CTNNA2: variants seen among roughly 807,000 people sequenced by gnomAD.
CTNNA2 encodes catenin alpha-2.
Under a neutral mutation model 101.0 loss-of-function variants are expected in CTNNA2, and 42 were observed. That is an observed-to-expected ratio of 0.42 (90% confidence interval 0.32 to 0.54). The LOEUF is 0.54. CTNNA2 is among the 20% of genes least tolerant of loss of function. CTNNA2 has a pLI of 0.14. For missense variants in CTNNA2, 871 were observed against 1,223.1 expected, an observed-to-expected ratio of 0.71 and a Z score of 4.29; for synonymous variants, 450 against 456.4, an observed-to-expected ratio of 0.99 and a Z score of 0.18.
intron 2 of CTNNA2, among the ~76,000 whole-genome samples, chr2:79,738,110 G>A (rs950458146): frequency 6.6e-6 from 1 of 152,190 alleles, no homozygotes; most frequent in Non-Finnish European, 1.5e-5. Flanking sequence ...TTTAGGTCAT[G>A]AGCAGTCTAT....
chr2:79,328,580 T>C (rs188424443), intron 3 of CTNNA2, among the ~76,000 whole-genome samples: 2 of 152,286 alleles, frequency 1.3e-5, no homozygotes, highest in East Asian at 3.9e-4. Flanking sequence ...TTAGCTTTTA[T>C]GATGTTGATC....
intron 18 of CTNNA2, among the ~76,000 whole-genome samples, chr2:80,629,812 T>C (rs1672086918): frequency 6.6e-6 from 1 of 152,200 alleles, no homozygotes; most frequent in Admixed American, 6.5e-5. Context: ...CTCCAAACTT[T>C]GCTGAACGTA....
intron 2 of CTNNA2, among the ~76,000 whole-genome samples, chr2:79,229,445 C>T (rs1314576432): frequency 6.6e-6 from 1 of 152,166 alleles, no homozygotes; most frequent in Admixed American, 6.6e-5. Context: ...TCCTCATTCT[C>T]TCTTGCTGCC....
In CTNNA2 at chr2:79,359,349, A is replaced by T. The variant is rs569106391; in HGVS notation, c.-317-14482A>T. The stretch of plus-strand genomic sequence containing the variant: ...GTCTCAGTTCTCTCTAGGTAGTTTC[A>T]TCTGTCTCATGAACCAATCCTGTTA... On this transcript the variant is annotated intron_variant, in intron 3 of 21. Transcript: ENST00000466387. Among the ~76,000 whole-genome samples, 3 of 152,294 alleles carry T rather than the reference A, an allele frequency of 2.0e-5. No individual in the cohort carries two copies. The East Asian group carries it at 5.8e-4, about 29-fold the overall frequency.
chr2:80,361,773 C>G (rs572046411), intron 7 of CTNNA2, among the ~76,000 whole-genome samples: 15 of 152,128 alleles, frequency 9.9e-5, no homozygotes, highest in Admixed American at 2.0e-4. Context: ...TCTCCTCCTT[C>G]CCCCCAAAAC....
intron 9 of CTNNA2, among the ~76,000 whole-genome samples, chr2:80,442,575 G>A (rs1682688712): frequency 6.6e-6 from 1 of 152,098 alleles, no homozygotes; most frequent in South Asian, 2.1e-4. Context: ...CCTTCCCAAT[G>A]CCATGGCTTG....
intron 2 of CTNNA2, among the ~76,000 whole-genome samples, chr2:79,274,999 G>A (rs915141977): frequency 1.3e-5 from 2 of 152,012 alleles, no homozygotes; most frequent in African/African-American, 2.4e-5. Context: ...TATGCTCTGG[G>A]AACCCACCCC....
intron 4 of CTNNA2, among the ~76,000 whole-genome samples, chr2:79,457,855 C>G (rs1029921720): frequency 1.1e-4 from 16 of 152,204 alleles, no homozygotes; most frequent in African/African-American, 3.9e-4. Context: ...CTTTTACTCT[C>G]AACTAGCATT....
chr2:79,391,540 T>C (rs745314764), intron 4 of CTNNA2, among the ~76,000 whole-genome samples: 5 of 152,156 alleles, frequency 3.3e-5, no homozygotes, highest in Non-Finnish European at 5.9e-5. Context: ...AAAAATTATA[T>C]GTGGACTTTC....
chr2:80,036,596 C>A (rs1423923673), intron 7 of CTNNA2, among the ~76,000 whole-genome samples: 2 of 151,916 alleles, frequency 1.3e-5, no homozygotes, highest in African/African-American at 2.4e-5. Flanking sequence ...CAGAGTGAGA[C>A]CCTGTCTTAG....
chr2:80,181,391 C>G lies in CTNNA2; in HGVS notation c.1057-211820C>G, dbSNP rs560346839. On this transcript the variant is annotated intron_variant, in intron 7 of 18. Transcript: ENST00000402739. ...AATTTAGGAGTTCGGTGCCCACAGC[C>G]TCATCAGGGTCCTCCCACACATCCC... Among the ~76,000 whole-genome samples, 213 of 152,282 alleles carry G rather than the reference C, an allele frequency of 1.4e-3. 8 individuals carry two copies. The South Asian group carries it at 0.043, about 31-fold the overall frequency.
intron 7 of CTNNA2, among the ~76,000 whole-genome samples, chr2:80,287,829 T>C (rs1223058212): frequency 6.6e-6 from 1 of 152,176 alleles, no homozygotes; most frequent in Non-Finnish European, 1.5e-5. Context: ...TGTCATCTCA[T>C]GATATGTGCT....
At chr2:79,438,923 CTA>C (rs1373481508) in intron 4 of CTNNA2, among the ~76,000 whole-genome samples, 5 of 152,126 alleles carry the variant, frequency 3.3e-5, no homozygotes, top group African/African-American at 1.2e-4. Context: ...GTAATAATAA[CTA>C]TTGGCAAGGA....
intron 1 of CTNNA2, among the ~76,000 whole-genome samples, chr2:79,537,067 A>G (rs1466285439): frequency 6.6e-6 from 1 of 152,056 alleles, no homozygotes; most frequent in Non-Finnish European, 1.5e-5. Context: ...ACTGTTTGCA[A>G]AATTGCCTGT....
chr2:80,446,503 C>T (rs1328506472), intron 9 of CTNNA2, among the ~76,000 whole-genome samples: 4 of 152,174 alleles, frequency 2.6e-5, no homozygotes, highest in Non-Finnish European at 5.9e-5. Context: ...GAGGTGATTA[C>T]AAAACATCGC....
rs531869855 is a variant in CTNNA2, at chr2:79,791,424, A to T, written c.298+46842A>T. Among the ~76,000 whole-genome samples, 206 of 152,320 alleles carry T rather than the reference A, an allele frequency of 1.4e-3. 1 individual carries two copies. The highest frequency in any genetic ancestry group is 2.2e-3 in the Non-Finnish European group (151 of 68,030). The stretch of plus-strand genomic sequence containing the variant: ...AATAAAGAAATGGATTTACATATAG[A>T]GACATGTAAACAATAATAATGGGTT... On this transcript the variant is annotated intron_variant, in intron 3 of 18. Transcript: ENST00000402739.
chr2:80,194,370 G>T (rs1706704610), intron 7 of CTNNA2, among the ~76,000 whole-genome samples: 1 of 152,170 alleles, frequency 6.6e-6, no homozygotes, highest in Non-Finnish European at 1.5e-5. Context: ...TTTAAATACA[G>T]AGAAATTAAT....
chr2:79,988,726 A>G (rs1691947587), intron 7 of CTNNA2, among the ~76,000 whole-genome samples: 1 of 152,192 alleles, frequency 6.6e-6, no homozygotes, highest in African/African-American at 2.4e-5. Flanking sequence ...TAGAAGCTAT[A>G]TGTAATTGGC....
chr2:79,522,079 TAA>T (rs1232349916), intron 1 of CTNNA2, among the ~76,000 whole-genome samples: 1 of 152,232 alleles, frequency 6.6e-6, no homozygotes, highest in East Asian at 1.9e-4. Flanking sequence ...TTTTGCTTGT[TAA>T]GGCAGAAGCC....
Sources: gnomAD v4.1 joint callset for allele counts (sites outside exome capture counted in the v4.1 genomes callset) on GRCh38, gnomAD v4.1.1 for gene constraint, MANE v1.5 for transcripts, NCBI Gene and HGNC (gene_info 2026-07-23, HGNC 2026-07-21) for gene names.